Variants in SLC9A9 observed in about 807,000 individuals in gnomAD.
SLC9A9 encodes the protein sodium/hydrogen exchanger 9.
SLC9A9 carries 62 observed loss-of-function variants against 77.8 expected under a neutral mutation model. That is an observed-to-expected ratio of 0.80 (90% CI 0.65 to 0.98). The LOEUF is 0.98. Ranked by LOEUF, SLC9A9 falls within the 50% of genes least tolerant of loss-of-function variation. The pLI is 0.00. For missense variants in SLC9A9, 775 were observed against 774.9 expected, an observed-to-expected ratio of 1.00 and a Z score of 0.00; for synonymous variants, 320 against 283.5, an observed-to-expected ratio of 1.13 and a Z score of -1.29.
At chr3:143,628,911 G>T (rs939121189) in intron 6 of SLC9A9, among the ~76,000 whole-genome samples, 2 of 151,846 alleles carry the variant, frequency 1.3e-5, no homozygotes, top group Non-Finnish European at 2.9e-5. Flanking sequence ...ACTTCTTATT[G>T]AGCAAAAATA....
At chr3:143,306,834 G>C (rs1184499900) in intron 14 of SLC9A9, among the ~76,000 whole-genome samples, 4 of 152,136 alleles carry the variant, frequency 2.6e-5, no homozygotes, top group East Asian at 1.9e-4. Context: ...ACACTCTCTG[G>C]TATTTTCTCT....
At chr3:143,434,846 A>C (rs184270465) in intron 12 of SLC9A9, among the ~76,000 whole-genome samples, 17 of 151,058 alleles carry the variant, frequency 1.1e-4, no homozygotes, top group African/African-American at 4.1e-4. Flanking sequence ...AGCTCTCTCA[A>C]CCTCACCTCC....
intron 6 of SLC9A9, among the ~76,000 whole-genome samples, chr3:143,614,436 G>C (rs903967353): frequency 5.9e-5 from 9 of 152,146 alleles, no homozygotes; most frequent in African/African-American, 1.7e-4. Flanking sequence ...GCATATTCAA[G>C]GATATGTCCG....
At chr3:143,345,789 G>C (rs1291314759) in intron 14 of SLC9A9, among the ~76,000 whole-genome samples, 1 of 152,084 alleles carries the variant, frequency 6.6e-6, no homozygotes, top group Non-Finnish European at 1.5e-5. Flanking sequence ...TTTCCAGATG[G>C]GTATAACAAA....
intron 13 of SLC9A9, among the ~76,000 whole-genome samples, chr3:143,366,122 T>C (rs1344144116): frequency 2.0e-5 from 3 of 152,208 alleles, no homozygotes; most frequent in Non-Finnish European, 4.4e-5. Context: ...TGGTGAGCTA[T>C]ACTGGCAATC....
At chr3:143,453,364 C>A (rs2035039335) in intron 12 of SLC9A9, among the ~76,000 whole-genome samples, 1 of 151,982 alleles carries the variant, frequency 6.6e-6, no homozygotes, top group Non-Finnish European at 1.5e-5. Flanking sequence ...TATAGCATAT[C>A]CTTAATAATA....
chr3:143,655,490 T>C, intron 5 of SLC9A9: 1 of 985,448 alleles, frequency 1.0e-6, no homozygotes. Context: ...TGTCTTTAAC[T>C]TACTTTAGTT....
At chr3:143,415,510 T>C (rs1279947152) in intron 12 of SLC9A9, among the ~76,000 whole-genome samples, 1 of 152,226 alleles carries the variant, frequency 6.6e-6, no homozygotes, top group Non-Finnish European at 1.5e-5. Context: ...GCCTATGTTA[T>C]ATAAATGGAA....
intron 9 of SLC9A9, among the ~76,000 whole-genome samples, chr3:143,508,425 T>C (rs779093721): frequency 2.0e-5 from 3 of 152,238 alleles, no homozygotes; most frequent in African/African-American, 7.2e-5. Flanking sequence ...AACCCTAGAA[T>C]CAAACCAGTA....
chr3:143,718,514 G>A (rs1934413079), intron 4 of SLC9A9, among the ~76,000 whole-genome samples: 1 of 152,212 alleles, frequency 6.6e-6, no homozygotes, highest in Admixed American at 6.5e-5. Context: ...ATTGGATCAG[G>A]TTCAGCTGTG....
At chr3:143,579,534 C>T (rs2037419448) in intron 6 of SLC9A9, among the ~76,000 whole-genome samples, 1 of 152,064 alleles carries the variant, frequency 6.6e-6, no homozygotes, top group African/African-American at 2.4e-5. Context: ...ATATGAACTC[C>T]ATATTGAGCA....
intron 14 of SLC9A9, among the ~76,000 whole-genome samples, chr3:143,280,480 T>G (rs1485549319): frequency 6.6e-6 from 1 of 152,082 alleles, no homozygotes; most frequent in African/African-American, 2.4e-5. Flanking sequence ...AGACATACTT[T>G]TTTCCTCAGA....
chr3:143,716,228 C>G (rs972591990), intron 4 of SLC9A9, among the ~76,000 whole-genome samples: 3 of 152,064 alleles, frequency 2.0e-5, no homozygotes, highest in Non-Finnish European at 4.4e-5. Context: ...ATGTGTGCCA[C>G]CATGCCAGGC....
At chr3:143,422,242 T>C (rs1361012133) in intron 12 of SLC9A9, among the ~76,000 whole-genome samples, 2 of 152,154 alleles carry the variant, frequency 1.3e-5, no homozygotes, top group Admixed American at 6.5e-5. Context: ...GCAATCCTGT[T>C]ACTAGGTATG....
chr3:143,641,266 T>C (rs1209720812), intron 6 of SLC9A9, among the ~76,000 whole-genome samples: 2 of 152,008 alleles, frequency 1.3e-5, no homozygotes, highest in Non-Finnish European at 2.9e-5. Flanking sequence ...AGTTTCCTAA[T>C]AAATAGGTAT....
intron 5 of SLC9A9, among the ~76,000 whole-genome samples, chr3:143,662,455 G>C (rs945910523): frequency 1.3e-5 from 2 of 152,200 alleles, no homozygotes; most frequent in African/African-American, 4.8e-5. Flanking sequence ...GGACTTGTTG[G>C]ACAGTGGGCG....
chr3:143,635,279 C>G (rs192225249), intron 6 of SLC9A9, among the ~76,000 whole-genome samples: 4 of 152,158 alleles, frequency 2.6e-5, no homozygotes, highest in Admixed American at 1.3e-4. Context: ...AGTAAGTTCT[C>G]TAAGCGAGAG....
chr3:143,421,093 A>C (rs2034289514), intron 12 of SLC9A9, among the ~76,000 whole-genome samples: 1 of 152,174 alleles, frequency 6.6e-6, no homozygotes, highest in Non-Finnish European at 1.5e-5. Context: ...GTGAGGTGAG[A>C]GATCTCTACA....
chr3:143,573,394 T>C (rs1357711851), intron 8 of SLC9A9, among the ~76,000 whole-genome samples: 2 of 152,144 alleles, frequency 1.3e-5, no homozygotes, highest in Admixed American at 6.5e-5. Flanking sequence ...ATGGAGATTC[T>C]TCTGCATGGA....
Sources: gnomAD v4.1 joint callset for allele counts (sites outside exome capture counted in the v4.1 genomes callset) on GRCh38, gnomAD v4.1.1 for gene constraint, MANE v1.5 for transcripts, NCBI Gene and HGNC (gene_info 2026-07-23, HGNC 2026-07-21) for gene names.